The following RNF39 variants were observed in gnomAD, a reference collection of about 807,000 sequenced individuals.
RNF39 encodes LTP (long-term potentiation) induced RING finger protein.
RNF39 carries 25 observed loss-of-function variants against 29.2 expected under a neutral mutation model. The ratio of observed to expected loss-of-function variants is 0.86; its 90% CI spans 0.62 to 1.20. RNF39 has a LOEUF of 1.20. RNF39 is among the 50% of genes most tolerant of loss of function. The pLI, the probability that RNF39 is intolerant of heterozygous loss-of-function variation, is 0.00. For missense variants in RNF39, 519 were observed against 515.0 expected, an observed-to-expected ratio of 1.01 and a Z score of -0.08; for synonymous variants, 219 against 229.0, an observed-to-expected ratio of 0.96 and a Z score of 0.40.
At position 30,071,652 on chromosome 6, in the gene RNF39, A is replaced by C. The variant is rs1191788222; in HGVS notation, c.518T>G (p.Leu173Arg). The change falls in exon 4 of 4, where the codon CTG (leucine) becomes CGG (arginine). Residue 173 changes from leucine to arginine, a missense_variant. Coordinates refer to ENST00000244360, the MANE Select transcript of RNF39 (RefSeq NM_025236.4). The surrounding 1 kb of genome is among the most constrained non-coding windows in gnomAD (Gnocchi z 5.0). Reference protein sequence around the residue: ...TLDPGTAHRRLLISADRRSVQ... With the variant: ...TLDPGTAHRRRLISADRRSVQ... ...GCTGCGGCGGTCGGCGGAGATGAGC[A>C]GGCGGCGGTGTGCGGTCCCAGGGTC... 1 of 1,431,166 alleles carries C rather than the reference A, an allele frequency of 7.0e-7. No homozygotes were observed. The highest frequency in any genetic ancestry group is 1.4e-5 in the South Asian group (1 of 69,428). 88.7% of individuals were successfully genotyped at this position (1,431,166 alleles called of 1,614,324 possible). A position where few individuals can be genotyped will look rare whatever the true frequency, so the allele number is the denominator to read the frequency against.
rs1468068724 is a variant in RNF39 at position 30,074,986 on chromosome 6, A to G, written c.363+237T>C. Among the ~76,000 whole-genome samples, 3 of 151,932 alleles carry G rather than the reference A, an allele frequency of 2.0e-5. No homozygotes were observed. The highest frequency in any genetic ancestry group is 6.5e-5 in the Admixed American group (1 of 15,274). ...CTCTCCAGCCCCTCTCACAAGGCTCAGGCATCGGTCCAGCCTCCTCCCCTG... is the reference window on the plus strand; with the variant it reads ...CTCTCCAGCCCCTCTCACAAGGCTCGGGCATCGGTCCAGCCTCCTCCCCTG... On this transcript the variant is annotated intron_variant, in intron 1 of 3. Transcript: ENST00000244360. The surrounding 1 kb of genome is among the most constrained non-coding windows in gnomAD (Gnocchi z 4.1).
At position 30,072,219 on chromosome 6, in the gene RNF39, T is replaced by A. The variant is rs754741989; in HGVS notation, c.479-528A>T. Among the ~76,000 whole-genome samples the A allele has an allele frequency of 1.3e-5, 2 of 150,722 alleles. No homozygotes were observed. Among genetic ancestry groups the A allele is most frequent in the Non-Finnish European group, 3.0e-5 (2 of 67,594 alleles). On this transcript the variant is annotated intron_variant, in intron 3 of 3. Transcript: ENST00000244360. The surrounding 1 kb of genome is among the most constrained non-coding windows in gnomAD (Gnocchi z 4.5). ...CCACCCACCCACAGGAATTGGGGGG[T>A]GGGGTGGACAGTCCTATTTCTGTAG...
Position 30,071,111 on chromosome 6 carries a change from T to C in RNF39, c.1059A>G (p.Ter353TrpextTer109), listed in dbSNP as rs1229428218. The C allele has an allele frequency of 1.9e-6, 3 of 1,556,190 alleles. No homozygotes were observed. Among genetic ancestry groups the C allele is most frequent in the Non-Finnish European group, 2.6e-6 (3 of 1,150,500 alleles). Reference protein sequence around the residue: ...APLRIVPAES* With the variant: ...APLRIVPAESW ...CCAAACTTCTAGTTGGAGACGAGAC[T>C]CAGCTTTCCGCTGGTACAATGCGGA... The change falls in exon 4 of 4, where the codon TGA (stop) becomes TGG (tryptophan). Residue 353 changes from the stop codon to tryptophan (W), a stop_lost. Coordinates refer to ENST00000244360, the MANE Select transcript of RNF39 (RefSeq NM_025236.4). The surrounding 1 kb of genome is among the most constrained non-coding windows in gnomAD (Gnocchi z 5.0).
In RNF39 at chr6:30,075,410, G is replaced by A. The variant is rs1316918185; in HGVS notation, c.176C>T (p.Ser59Phe). Residue 59 changes from serine to phenylalanine, a missense_variant, in exon 1 of 4, where the codon TCC becomes TTC. Physicochemically the swap from Ser to Phe is radical, Grantham distance 155 (BLOSUM62 -2). Coordinates refer to ENST00000244360, the MANE Select transcript of RNF39 (RefSeq NM_025236.4). Reference protein sequence around the residue: ...GTPPATGTEASPTACPCCGLP... With the variant: ...GTPPATGTEAFPTACPCCGLP... Reference sequence around the variant, plus strand: ...GCCGCAGCAGGGACAGGCGGTGGGGGAAGCCTCGGTGCCGGTCGCCGGCGG... The same window carrying A: ...GCCGCAGCAGGGACAGGCGGTGGGGAAAGCCTCGGTGCCGGTCGCCGGCGG... 2 of 1,558,328 alleles carry A rather than the reference G, an allele frequency of 1.3e-6. No individual in the cohort carries two copies. Among genetic ancestry groups the A allele is most frequent in the South Asian group, 1.2e-5 (1 of 85,986 alleles).
rs1766034484 is a variant in RNF39, at chr6:30,072,034, G to A, written c.479-343C>T. The stretch of plus-strand genomic sequence containing the variant: ...AGGCTGATCTGACTTCGAGGGAGGA[G>A]TAAGGACTGATACCTCAATCTGCAT... On this transcript the variant is annotated intron_variant, in intron 3 of 3. Transcript: ENST00000244360. This position sits in a 1 kb window ranked among gnomAD's most constrained non-coding sequence, Gnocchi z 4.5. Among the ~76,000 whole-genome samples, 1 of 152,108 alleles carries A rather than the reference G, an allele frequency of 6.6e-6. No individual in the cohort carries two copies. The highest frequency in any genetic ancestry group is 1.5e-5 in the Non-Finnish European group (1 of 68,008).
rs1180994911 is a variant in RNF39, at chr6:30,073,223, A to G, written c.412T>C (p.Ser138Pro). Residue 138 changes from serine (S) to proline (P), a missense_variant, in exon 3 of 4, where the codon TCT becomes CCT. Coordinates refer to ENST00000244360, the MANE Select transcript of RNF39 (RefSeq NM_025236.4). ...RRFEVPTSKS[S>P]NSEDDLPEDY... ...TCAGGGAGATCATCCTCTGAATTAG[A>G]TGACTTGGATGTTGGGACTTCAAAT... 1 of 1,612,190 alleles carries G rather than the reference A, an allele frequency of 6.2e-7. No individual in the cohort carries two copies. Among genetic ancestry groups the G allele is most frequent in the South Asian group, 1.1e-5 (1 of 91,006 alleles).
chr6:30,075,277 C>T lies in RNF39; in HGVS notation c.309G>A (p.Gly103=). 2.5e-6 allele frequency: 4 copies of T among 1,599,416 alleles called. No individual in the cohort carries two copies. The highest frequency in any genetic ancestry group is 3.4e-6 in the Non-Finnish European group (4 of 1,176,160). The change falls in exon 1 of 4, where the codon GGG becomes GGA. Residue 103 remains glycine, a synonymous_variant. Coordinates refer to ENST00000244360, the MANE Select transcript of RNF39 (RefSeq NM_025236.4). ...TGGGGATGCGCCCCCCTCGGCGTCTCCCCGCACGGGCCCCAGGCTCAGCCA... is the reference window on the plus strand; with the variant it reads ...TGGGGATGCGCCCCCCTCGGCGTCTTCCCGCACGGGCCCCAGGCTCAGCCA... ...EKLAEPGARA[G]RRRGGRIPTM...
Position 30,074,207 on chromosome 6 carries a change from C to A in RNF39, c.364-729G>T, listed in dbSNP as rs567779348. On this transcript the variant is annotated intron_variant, in intron 1 of 3. Transcript: ENST00000244360. This position sits in a 1 kb window ranked among gnomAD's most constrained non-coding sequence, Gnocchi z 4.1. ...CACTGTCTAGTGCTGATGGCTGGAG[C>A]AGGCCGATATGGTGGAGCGGGGGAG... 5.9e-5 allele frequency among the ~76,000 whole-genome samples: 9 copies of A among 152,316 alleles called. No homozygotes were observed. Among genetic ancestry groups the A allele is most frequent in the Admixed American group, 1.3e-4 (2 of 15,312 alleles).
At position 30,071,384 on chromosome 6, in the gene RNF39, A is replaced by G; in HGVS notation, c.786T>C (p.Pro262=). 6.8e-7 allele frequency: 1 copy of G among 1,472,400 alleles called. No homozygotes were observed. The highest frequency in any genetic ancestry group is 2.6e-5 in the Admixed American group (1 of 38,754). 91.2% of individuals were successfully genotyped at this position (1,472,400 alleles called of 1,614,324 possible). Residue 262 remains proline, a synonymous_variant, in exon 4 of 4, where the codon CCT becomes CCC. Transcript: ENST00000244360. The surrounding 1 kb of genome is among the most constrained non-coding windows in gnomAD (Gnocchi z 5.0). ...VQRKGCVRLC[P]AGAVWAVEGR... is the part of the protein sequence containing the mutation. Reference sequence around the variant, plus strand: ...CCTCCACGGCCCACACGGCCCCCGCAGGGCACAGCCTTACGCAGCCCTTGC... The same window carrying G: ...CCTCCACGGCCCACACGGCCCCCGCGGGGCACAGCCTTACGCAGCCCTTGC...
In RNF39 at chr6:30,075,567, C is replaced by A. The variant is rs540602936; in HGVS notation, c.19G>T (p.Gly7Cys). The change falls in exon 1 of 4, where the codon GGC becomes TGC. Residue 7 changes from glycine (G) to cysteine (C), a missense_variant. Gly to Cys is a radical substitution (Grantham distance 159, BLOSUM62 -3). Coordinates refer to ENST00000244360, the MANE Select transcript of RNF39 (RefSeq NM_025236.4). MDAPEL[G>C]PGLVERLEQL... ...TCCAGACGCTCCACCAGCCCCGGGC[C>A]CAGCTCGGGCGCATCCATGGAAAGC... 6.2e-7 allele frequency: 1 copy of A among 1,606,060 alleles called. No individual in the cohort carries two copies. Among genetic ancestry groups the A allele is most frequent in the Admixed American group, 1.7e-5 (1 of 59,670 alleles).
rs2127326614 is a variant in RNF39, at chr6:30,075,335, T to A, written c.251A>T (p.Glu84Val). The A allele has an allele frequency of 6.3e-7, 1 of 1,590,924 alleles. No individual in the cohort carries two copies. Among genetic ancestry groups the A allele is most frequent in the East Asian group, 2.3e-5 (1 of 43,894 alleles). ...SLRSNVRLAV[E>V]VRISRELREK... Reference sequence around the variant, plus strand: ...TCGCAGCTCGCGGCTGATTCGCACCTCCACCGCCAGCCGCACATTAGACCT... The same window carrying A: ...TCGCAGCTCGCGGCTGATTCGCACCACCACCGCCAGCCGCACATTAGACCT... The change falls in exon 1 of 4, where the codon GAG (glutamate) becomes GTG (valine). Residue 84 changes from glutamate to valine, a missense_variant. Glu to Val is a moderately radical substitution (Grantham distance 121). Transcript: ENST00000244360.
rs371775064 is a variant in RNF39, at chr6:30,073,132, C to T, written c.478+25G>A. The T allele has an allele frequency of 2.3e-4, 334 of 1,453,388 alleles. 1 individual carries two copies. Among genetic ancestry groups the T allele is most frequent in the Non-Finnish European group, 2.8e-4 (294 of 1,034,096 alleles). The allele number at this position is 1,453,388 out of a possible 1,614,324, so 90.0% of individuals were successfully genotyped here. On this transcript the variant is annotated intron_variant, in intron 3 of 3. Coordinates refer to ENST00000244360, the MANE Select transcript of RNF39 (RefSeq NM_025236.4). ...CTAACACAGACTTTCATTCAATTCC[C>T]TTCCCTCCCTTCTTCTTTCCTTACC... is the stretch of plus-strand genomic sequence containing the variant.
intron 1 of RNF39, 115 bp downstream of exon 1, chr6:30,075,108 A>T: frequency 8.9e-7 from 1 of 1,124,924 alleles, no homozygotes; most frequent in Non-Finnish European, 1.2e-6. Context: ...TTCTCTCCCC[A>T]CCCCATCCTT....
At position 30,070,936 on chromosome 6, in the gene RNF39, G is replaced by T; in HGVS notation, c.*175C>A. 1.4e-6 allele frequency: 1 copy of T among 721,432 alleles called. No individual in the cohort carries two copies. The highest frequency in any genetic ancestry group is 1.5e-5 in the South Asian group (1 of 67,048). The allele number at this position is 721,432 out of a possible 1,614,324, so 44.7% of individuals were successfully genotyped here. ...AATGGATTTGGTTTTGAGCAGGGACGTGGAAACGTGGAGACCAGGTGAGGT... is the reference window on the plus strand; with the variant it reads ...AATGGATTTGGTTTTGAGCAGGGACTTGGAAACGTGGAGACCAGGTGAGGT... On this transcript the variant is annotated 3_prime_UTR_variant, in exon 4 of 4. Coordinates refer to ENST00000244360, the MANE Select transcript of RNF39 (RefSeq NM_025236.4).
In RNF39 at chr6:30,074,332, T is replaced by G. The variant is rs1766232681; in HGVS notation, c.364-854A>C. On this transcript the variant is annotated intron_variant, in intron 1 of 3. Coordinates refer to ENST00000244360, the MANE Select transcript of RNF39 (RefSeq NM_025236.4). The surrounding 1 kb of genome is among the most constrained non-coding windows in gnomAD (Gnocchi z 4.1). ...CAAGACCCAAGACCAGCTTGGCTGCTGGGAAGAAGCCAGTCAGGAGTCCCA... is the reference window on the plus strand; with the variant it reads ...CAAGACCCAAGACCAGCTTGGCTGCGGGGAAGAAGCCAGTCAGGAGTCCCA... Among the ~76,000 whole-genome samples, 1 of 152,140 alleles carries G rather than the reference T, an allele frequency of 6.6e-6. No individual in the cohort carries two copies. The highest frequency in any genetic ancestry group is 6.5e-5 in the Admixed American group (1 of 15,290).
rs1194838423 is a variant in RNF39, at chr6:30,070,601, TC to T, written c.*509del. On this transcript the variant is annotated 3_prime_UTR_variant, in exon 4 of 4. Transcript: ENST00000244360. ...GATCCTGCAAAAGAGGTACAAAGCT[TC>T]CCAGAGGGCCACAGGGCCCAGACCA... 8 of 336,240 alleles carry T rather than the reference TC, an allele frequency of 2.4e-5. No homozygotes were observed. Among genetic ancestry groups the T allele is most frequent in the Non-Finnish European group, 4.1e-5 (7 of 170,054 alleles). The allele number at this position is 336,240 out of a possible 1,614,324, so 20.8% of individuals were successfully genotyped here. A position where few individuals can be genotyped will look rare whatever the true frequency, so the allele number is the denominator to read the frequency against.
rs1320442916 is a variant in RNF39 at position 30,072,158 on chromosome 6, C to T, written c.479-467G>A. On this transcript the variant is annotated intron_variant, in intron 3 of 3. Coordinates refer to ENST00000244360, the MANE Select transcript of RNF39 (RefSeq NM_025236.4). The surrounding 1 kb of genome is among the most constrained non-coding windows in gnomAD (Gnocchi z 4.5). Reference sequence around the variant, plus strand: ...CTGGAACCTCAAGTAATGGGAGGGGCACAGGGAGGAATCCAAGGTATCCTG... The same window carrying T: ...CTGGAACCTCAAGTAATGGGAGGGGTACAGGGAGGAATCCAAGGTATCCTG... Among the ~76,000 whole-genome samples the T allele has an allele frequency of 6.6e-6, 1 of 151,962 alleles. No homozygotes were observed. Among genetic ancestry groups the T allele is most frequent in the Non-Finnish European group, 1.5e-5 (1 of 68,012 alleles).
At chr6:30,073,992 T>C (rs1027055777) in intron 1 of RNF39, among the ~76,000 whole-genome samples, 2 of 152,232 alleles carry the variant, frequency 1.3e-5, no homozygotes, top group Non-Finnish European at 2.9e-5. Context: ...ATAAAGCTGC[T>C]TCCCCTCTTG....
In RNF39 at chr6:30,070,421, A is replaced by T; in HGVS notation, c.*690T>A. The T allele has an allele frequency of 5.0e-6, 1 of 201,138 alleles. No individual in the cohort carries two copies. The highest frequency in any genetic ancestry group is 1.0e-5 in the Non-Finnish European group (1 of 97,256). 12.5% of individuals were successfully genotyped at this position (201,138 alleles called of 1,614,324 possible). Reference sequence around the variant, plus strand: ...GTTTGGAGATGTCTGAAGTATTCCCAGGTTGAGGAGGAGAGAGGGGAAATA... The same window carrying T: ...GTTTGGAGATGTCTGAAGTATTCCCTGGTTGAGGAGGAGAGAGGGGAAATA... On this transcript the variant is annotated 3_prime_UTR_variant, in exon 4 of 4. Transcript: ENST00000244360.
Sources: gnomAD v4.1 joint callset for allele counts (sites outside exome capture counted in the v4.1 genomes callset) on GRCh38, gnomAD v4.1.1 for gene constraint, Gnocchi (gnomAD v3.1) non-coding constraint, MANE v1.5 for transcripts, NCBI Gene and HGNC (gene_info 2026-07-23, HGNC 2026-07-21) for gene names.